Variants in PLCB1 observed in about 807,000 individuals in gnomAD.
PLCB1 encodes the protein 1-phosphatidylinositol 4,5-bisphosphate phosphodiesterase beta-1.
Under a neutral mutation model 161.8 loss-of-function variants are expected in PLCB1, and 46 were observed. The ratio of observed to expected loss-of-function variants is 0.28; its 90% CI spans 0.22 to 0.36. The LOEUF (loss-of-function observed/expected upper bound fraction) is 0.36, where lower values mean the gene tolerates loss of function less well. Ranked by LOEUF, PLCB1 falls within the 10% of genes least tolerant of loss-of-function variation. The pLI, the probability that PLCB1 is intolerant of heterozygous loss-of-function variation, is 1.00. For missense variants in PLCB1, 1,016 were observed against 1,472.5 expected, an observed-to-expected ratio of 0.69 and a Z score of 5.07; for synonymous variants, 517 against 503.7, an observed-to-expected ratio of 1.03 and a Z score of -0.35.
chr20:8,543,962 G>A (rs1022082146), intron 3 of PLCB1, among the ~76,000 whole-genome samples: 14 of 152,140 alleles, frequency 9.2e-5, no homozygotes, highest in African/African-American at 3.4e-4. Flanking sequence ...TCAGTCTTGG[G>A]TATTCTTCAT....
chr20:8,391,324 G>A (rs1987579515), intron 3 of PLCB1, among the ~76,000 whole-genome samples: 1 of 152,052 alleles, frequency 6.6e-6, no homozygotes, highest in African/African-American at 2.4e-5. Context: ...AACTATCACA[G>A]CAATATTGTT....
chr20:8,135,315 A>G (rs1490714733), intron 1 of PLCB1, among the ~76,000 whole-genome samples: 1 of 152,190 alleles, frequency 6.6e-6, no homozygotes, highest in African/African-American at 2.4e-5. Flanking sequence ...ATGTGAAGAA[A>G]TTATCTCTTG....
intron 3 of PLCB1, among the ~76,000 whole-genome samples, chr20:8,608,465 C>A (rs1333829864): frequency 6.6e-6 from 1 of 152,162 alleles, no homozygotes; most frequent in Non-Finnish European, 1.5e-5. Flanking sequence ...ACCCACAGGG[C>A]AAACTTGTTT....
chr20:8,349,969 TA>T (rs1417979548), intron 2 of PLCB1, among the ~76,000 whole-genome samples: 4 of 152,096 alleles, frequency 2.6e-5, no homozygotes, highest in Non-Finnish European at 1.5e-5. Flanking sequence ...AAGAGTCTAT[TA>T]AAAAAAACTT....
At chr20:8,215,887 G>C (rs80225662) in intron 2 of PLCB1, among the ~76,000 whole-genome samples, 1,852 of 151,978 alleles carry the variant, frequency 0.012, 42 homozygotes, top group African/African-American at 0.042. Context: ...TCACAGCAGG[G>C]AGCAGTACAC....
chr20:8,236,703 C>A (rs979210079), intron 2 of PLCB1, among the ~76,000 whole-genome samples: 34 of 151,924 alleles, frequency 2.2e-4, no homozygotes, highest in South Asian at 6.2e-4. Flanking sequence ...AAGTCCGAAC[C>A]AAACAAACTG....
chr20:8,541,562 G>GAGAGAGAAAGAAAGAAAGAA (rs1555769021), intron 3 of PLCB1, among the ~76,000 whole-genome samples: 1 of 114,348 alleles, frequency 8.7e-6, no homozygotes, highest in Non-Finnish European at 1.8e-5. Context: ...AAGGAAGAAA[G>GAGAGAGAAAGAAAGAAAGAA]AGAAAGAAAG....
At chr20:8,523,496 C>CTCTA in intron 3 of PLCB1, among the ~76,000 whole-genome samples, 665 of 51,598 alleles carry the variant, frequency 0.013, 21 homozygotes, top group Admixed American at 0.015. Flanking sequence ...CTCTCTCTCT[C>CTCTA]TATATATATA....
At chr20:8,822,405 T>C (rs1243774058) in intron 31 of PLCB1, among the ~76,000 whole-genome samples, 1 of 152,204 alleles carries the variant, frequency 6.6e-6, no homozygotes, top group East Asian at 1.9e-4. Context: ...GTGCTGGGAA[T>C]GGACAGGCCT....
intron 3 of PLCB1, among the ~76,000 whole-genome samples, chr20:8,494,948 T>C (rs1439837421): frequency 6.6e-6 from 1 of 152,178 alleles, no homozygotes; most frequent in Non-Finnish European, 1.5e-5. Context: ...ATCATGTCCT[T>C]AATACTGAAT....
chr20:8,267,448 G>A (rs887115145), intron 2 of PLCB1, among the ~76,000 whole-genome samples: 5 of 152,038 alleles, frequency 3.3e-5, no homozygotes, highest in East Asian at 1.9e-4. Context: ...TTGGGTCCAC[G>A]CTCAGGGTGG....
At chr20:8,199,086 A>AGT (rs199985436) in intron 2 of PLCB1, among the ~76,000 whole-genome samples, 9 of 151,690 alleles carry the variant, frequency 5.9e-5, no homozygotes, top group East Asian at 1.9e-4. Flanking sequence ...ATTTACCAAA[A>AGT]GTGTGTGTGT....
rs549468818 is a variant in PLCB1, at chr20:8,629,463, C to T, written c.384+1032C>T. ...TCAAGTGCAATGCTTTCTCTAGAAA[C>T]GTCCAATTGTCATTGAAAGAATACT... On this transcript the variant is annotated intron_variant, in intron 4 of 31. Coordinates refer to ENST00000338037, the MANE Select transcript of PLCB1 (RefSeq NM_015192.4). Among the ~76,000 whole-genome samples, 11 of 152,222 alleles carry T rather than the reference C, an allele frequency of 7.2e-5. No individual in the cohort carries two copies. The East Asian group carries it at 7.7e-4, about 11-fold the overall frequency.
intron 2 of PLCB1, among the ~76,000 whole-genome samples, chr20:8,185,094 A>G (rs1283074681): frequency 6.6e-6 from 1 of 152,070 alleles, no homozygotes; most frequent in Non-Finnish European, 1.5e-5. Context: ...TCCCAGCTTC[A>G]TCCATGTCCC....
At chr20:8,491,291 T>A (rs1982935542) in intron 3 of PLCB1, among the ~76,000 whole-genome samples, 1 of 152,190 alleles carries the variant, frequency 6.6e-6, no homozygotes, top group Non-Finnish European at 1.5e-5. Flanking sequence ...GCTTTTTAGT[T>A]TTCAGTGTAT....
At chr20:8,874,227 C>T (rs1987700626) in intron 31 of PLCB1, among the ~76,000 whole-genome samples, 1 of 117,682 alleles carries the variant, frequency 8.5e-6, no homozygotes, top group African/African-American at 3.8e-5. Flanking sequence ...TGTGTATGTA[C>T]ACACACACAC....
intron 2 of PLCB1, among the ~76,000 whole-genome samples, chr20:8,291,042 A>G (rs1421559857): frequency 4.1e-5 from 5 of 120,744 alleles, no homozygotes; most frequent in East Asian, 3.0e-4. Flanking sequence ...TCTTTTTGTG[A>G]AAAAAAAAAA....
chr20:8,231,653 G>C (rs6086374), intron 2 of PLCB1, among the ~76,000 whole-genome samples: 1 of 151,914 alleles, frequency 6.6e-6, no homozygotes, highest in Non-Finnish European at 1.5e-5. Flanking sequence ...TTCTTTGCAC[G>C]CATTCCCAAG....
chr20:8,723,105 A>C (rs1463404848), intron 15 of PLCB1, among the ~76,000 whole-genome samples: 1 of 152,200 alleles, frequency 6.6e-6, no homozygotes, highest in Non-Finnish European at 1.5e-5. Flanking sequence ...GTAGCTCTAC[A>C]ATTTAGTAAA....
Sources: gnomAD v4.1 joint callset for allele counts (sites outside exome capture counted in the v4.1 genomes callset) on GRCh38, gnomAD v4.1.1 for gene constraint, MANE v1.5 for transcripts, NCBI Gene and HGNC (gene_info 2026-07-23, HGNC 2026-07-21) for gene names.